The following SGCD variants were observed in gnomAD, a reference collection of about 807,000 sequenced individuals.
SGCD encodes delta-sarcoglycan.
Under a neutral mutation model 36.6 loss-of-function variants are expected in SGCD, and 18 were observed. The observed-to-expected ratio is 0.49, with a 90% CI of 0.34 to 0.73. The LOEUF is 0.73. Among genes scored for constraint, SGCD ranks in the 30% least tolerant of loss-of-function variants. The probability of loss-of-function intolerance (pLI) is 0.01; values close to 1 mark genes in which losing one functional copy is unlikely to be tolerated. For synonymous variants in SGCD, 133 were observed against 130.6 expected (o/e 1.02, Z -0.12); for missense variants, 387 against 346.7 (o/e 1.12, Z -0.92).
chr5:155,964,996 A>T (rs1203377830), intron 1 of SGCD, among the ~76,000 whole-genome samples: 1 of 152,070 alleles, frequency 6.6e-6, no homozygotes, highest in Admixed American at 6.6e-5. Context: ...TGGCCAGACA[A>T]GTAGGTACTG....
chr5:156,604,803 A>G (rs1761357806), intron 6 of SGCD, among the ~76,000 whole-genome samples: 1 of 31,910 alleles, frequency 3.1e-5, no homozygotes, highest in South Asian at 1.0e-3. Flanking sequence ...TAATATATAT[A>G]AATTATACAC....
intron 2 of SGCD, among the ~76,000 whole-genome samples, chr5:156,343,278 G>A (rs764880457): frequency 6.6e-6 from 1 of 152,150 alleles, no homozygotes; most frequent in Non-Finnish European, 1.5e-5. Context: ...CTTATTTGTA[G>A]GGAATGCAGT....
chr5:156,342,602 A>G (rs1768721628), intron 2 of SGCD, among the ~76,000 whole-genome samples: 2 of 151,712 alleles, frequency 1.3e-5, no homozygotes, highest in South Asian at 4.2e-4. Flanking sequence ...CCAGTGATTG[A>G]TGACTTTGTT....
intron 1 of SGCD, among the ~76,000 whole-genome samples, chr5:156,105,586 A>G (rs146108800): frequency 6.5e-4 from 99 of 152,328 alleles, no homozygotes; most frequent in South Asian, 5.6e-3. Flanking sequence ...TCATTATTAC[A>G]CAGATGACAA....
intron 1 of SGCD, among the ~76,000 whole-genome samples, chr5:155,921,509 G>T (rs1284778660): frequency 6.6e-6 from 1 of 151,970 alleles, no homozygotes; most frequent in Non-Finnish European, 1.5e-5. Context: ...AGCAGTAGAG[G>T]GGTAGTGGGC....
intron 6 of SGCD, among the ~76,000 whole-genome samples, chr5:156,608,078 T>G (rs1215499322): frequency 6.6e-6 from 1 of 152,230 alleles, no homozygotes. Context: ...TTTCTTGCCT[T>G]CTGCTAGTTT....
intron 1 of SGCD, among the ~76,000 whole-genome samples, chr5:156,112,520 T>C (rs1761811260): frequency 6.6e-6 from 1 of 152,300 alleles, no homozygotes; most frequent in Admixed American, 6.5e-5. Flanking sequence ...GGTAACAAGG[T>C]TGAAATAAAT....
intron 3 of SGCD, among the ~76,000 whole-genome samples, chr5:156,313,352 T>C (rs189112224): frequency 1.9e-3 from 295 of 152,226 alleles, no homozygotes; most frequent in African/African-American, 6.7e-3. Flanking sequence ...TCTCACCTTT[T>C]TTTGTTTTCT....
chr5:156,406,367 G>A (rs1191093714), intron 3 of SGCD, among the ~76,000 whole-genome samples: 6 of 152,014 alleles, frequency 3.9e-5, no homozygotes, highest in Non-Finnish European at 7.4e-5. Context: ...CATTCCTGCA[G>A]CCATCCTTGT....
rs1013447247 is a variant in SGCD at position 156,761,392 on chromosome 5, T to G, written c.*2002T>G. On this transcript the variant is annotated 3_prime_UTR_variant, in exon 9 of 9. Coordinates refer to ENST00000337851, the MANE Select transcript of SGCD (RefSeq NM_000337.6). ...TTAGGGGTGAGACCCCGTGATTGGTTGGTTTGTAGCACTAAGGTCTAAAAA... is the reference window on the plus strand; with the variant it reads ...TTAGGGGTGAGACCCCGTGATTGGTGGGTTTGTAGCACTAAGGTCTAAAAA... 1 of 152,204 alleles carries G rather than the reference T, an allele frequency of 6.6e-6. No homozygotes were observed. Among genetic ancestry groups the G allele is most frequent in the Non-Finnish European group, 1.5e-5 (1 of 68,042 alleles). 9.4% of individuals were successfully genotyped at this position (152,204 alleles called of 1,614,324 possible).
intron 1 of SGCD, among the ~76,000 whole-genome samples, chr5:155,915,983 T>C (rs1234696488): frequency 1.3e-5 from 2 of 152,188 alleles, no homozygotes; most frequent in Non-Finnish European, 2.9e-5. Flanking sequence ...GGTGTCTTCA[T>C]AGATATGTAG....
At chr5:156,323,803 G>T (rs781497518), upstream of SGCD, among the ~76,000 whole-genome samples, 7 of 152,196 alleles carry the variant, frequency 4.6e-5, no homozygotes, top group Non-Finnish European at 8.8e-5. Context: ...CATTGCAGAG[G>T]GGATTCAGGA....
the SGCD span, among the ~76,000 whole-genome samples, chr5:155,837,021 T>C: frequency 6.6e-5 from 10 of 152,224 alleles, no homozygotes; most frequent in Non-Finnish European, 1.5e-4. Context: ...TTGTATTGTT[T>C]TGTTTCTGTT....
chr5:155,980,513 G>C (rs990413825), intron 1 of SGCD, among the ~76,000 whole-genome samples: 1 of 140,202 alleles, frequency 7.1e-6, no homozygotes, highest in African/African-American at 2.7e-5. Context: ...GTGTGAACCC[G>C]AGAGGCAGAG....
intron 3 of SGCD, among the ~76,000 whole-genome samples, chr5:156,154,332 G>A (rs556124673): frequency 6.6e-6 from 1 of 151,750 alleles, no homozygotes; most frequent in African/African-American, 2.4e-5. Flanking sequence ...AGATCTTCAA[G>A]CCCTAGAAAG....
intron 1 of SGCD, among the ~76,000 whole-genome samples, chr5:156,008,825 A>G (rs1342530416): frequency 2.0e-5 from 3 of 152,250 alleles, no homozygotes; most frequent in Non-Finnish European, 2.9e-5. Flanking sequence ...ACCTCAATGT[A>G]TCTTTTGCAG....
At chr5:155,737,091 G>A in the SGCD span, among the ~76,000 whole-genome samples, 1 of 152,194 alleles carries the variant, frequency 6.6e-6, no homozygotes, top group Non-Finnish European at 1.5e-5. Flanking sequence ...TGGCAGGACA[G>A]GGCTTTGAAT....
intron 3 of SGCD, among the ~76,000 whole-genome samples, chr5:156,205,998 A>ATATATAT (rs558641369): frequency 4.7e-5 from 7 of 147,800 alleles, no homozygotes; most frequent in Non-Finnish European, 8.9e-5. Context: ...TATTTTATAT[A>ATATATAT]TATATATTAT....
In SGCD at chr5:156,295,417, C is replaced by T. The variant is rs115660993; in HGVS notation, c.-43-34117C>T. 3.8e-3 allele frequency among the ~76,000 whole-genome samples: 579 copies of T among 152,254 alleles called. 2 individuals carry two copies. Among genetic ancestry groups the T allele is most frequent in the Non-Finnish European group, 6.6e-3 (450 of 68,012 alleles). ...TTTGAAGAACCATCTCTTGATTTCA[C>T]AGATGTTCTGTATTATGTTTCTTTT... On this transcript the variant is annotated intron_variant, in intron 3 of 9. Coordinates refer to the SGCD transcript ENST00000517913.
Sources: gnomAD v4.1 joint callset for allele counts (sites outside exome capture counted in the v4.1 genomes callset) on GRCh38, gnomAD v4.1.1 for gene constraint, MANE v1.5 for transcripts, NCBI Gene and HGNC (gene_info 2026-07-23, HGNC 2026-07-21) for gene names.